Variants in CDC25B observed in about 807,000 individuals in gnomAD.
CDC25B encodes the protein cell division cycle 25B.
Under a neutral mutation model 69.8 loss-of-function variants are expected in CDC25B, and 33 were observed. The observed-to-expected ratio is 0.47, with a 90% CI of 0.36 to 0.63. The LOEUF is 0.63. Ranked by LOEUF, CDC25B falls within the 30% of genes least tolerant of loss-of-function variation. The probability of loss-of-function intolerance (pLI) is 0.00; values close to 1 mark genes in which losing one functional copy is unlikely to be tolerated. For missense variants in CDC25B, 727 were observed against 809.1 expected (o/e 0.90, Z 1.23); for synonymous variants, 341 against 314.6 (o/e 1.08, Z -0.89).
At chr20:3,798,655 C>G (rs2089154992) in intron 3 of CDC25B, among the ~76,000 whole-genome samples, 192 bp downstream of exon 3, 1 of 152,186 alleles carries the variant, frequency 6.6e-6, no homozygotes, top group Non-Finnish European at 1.5e-5. Flanking sequence ...AGAGAAGGAT[C>G]TGCTCTCATG....
chr20:3,787,197 T>G, intron 1 of CDC25B: 1 of 637,166 alleles, frequency 1.6e-6, no homozygotes, highest in Non-Finnish European at 2.8e-6. Flanking sequence ...CGTTTTCTTT[T>G]TAAAAATTTA....
At chr20:3,792,197 AG>A, upstream of CDC25B, among the ~76,000 whole-genome samples, 1 of 152,342 alleles carries the variant, frequency 6.6e-6, no homozygotes, top group East Asian at 1.9e-4. Flanking sequence ...TACAGGTGTG[AG>A]CCAGCATGCC....
chr20:3,798,300 T>G (rs1353270607), intron 2 of CDC25B, 112 bp from the exon 3 acceptor site: 6 of 687,994 alleles, frequency 8.7e-6, no homozygotes, highest in Non-Finnish European at 1.4e-5. Context: ...TGTGTCAAAG[T>G]CCAAACTAGA....
intron 14 of CDC25B, among the ~76,000 whole-genome samples, chr20:3,804,152 G>C (rs2089390534): frequency 6.6e-6 from 1 of 152,150 alleles, no homozygotes; most frequent in Non-Finnish European, 1.5e-5. Flanking sequence ...CTCCACCTGG[G>C]CACCGGGCCT....
chr20:3,800,404 G>A, intron 4 of CDC25B, 58 bp from the exon 5 acceptor site: 5 of 1,612,666 alleles, frequency 3.1e-6, no homozygotes, highest in Non-Finnish European at 4.2e-6. Flanking sequence ...CATGCTGCAT[G>A]CTCTTGGTCC....
In CDC25B at chr20:3,804,695, G is replaced by T; in HGVS notation, c.1602+15G>T. 1 of 1,529,542 alleles carries T rather than the reference G, an allele frequency of 6.5e-7. No homozygotes were observed. The highest frequency in any genetic ancestry group is 8.9e-7 in the Non-Finnish European group (1 of 1,125,132). The allele number at this position is 1,529,542 out of a possible 1,614,324, so 94.7% of individuals were successfully genotyped here. ...CTCAGCACCCGGTAGCGTGGGTGGG[G>T]AAGGCCACAGTCTCTGTGTGAGGGT... is the stretch of plus-strand genomic sequence containing the variant. On this transcript the variant is annotated intron_variant, in intron 15 of 15. Transcript: ENST00000245960.
At position 3,797,642 on chromosome 20, in the gene CDC25B, T is replaced by C. The variant is rs1429692455; in HGVS notation, c.221T>C (p.Val74Ala). 3.7e-6 allele frequency: 6 copies of C among 1,614,014 alleles called. No individual in the cohort carries two copies. The highest frequency in any genetic ancestry group is 1.7e-5 in the Admixed American group (1 of 60,002). Reference sequence around the variant, plus strand: ...CCCAGCGAAACCCCAAAGAGTCAGGTAGGGACCCTGCTCTTCCGCAGCCGC... The same window carrying C: ...CCCAGCGAAACCCCAAAGAGTCAGGCAGGGACCCTGCTCTTCCGCAGCCGC... ...GLGSETPKSQVGTLLFRSRSR... is the reference protein window; with the variant it reads ...GLGSETPKSQAGTLLFRSRSR... The change falls in exon 2 of 16, where the codon GTA (valine) becomes GCA (alanine). Residue 74 changes from valine to alanine, a missense_variant. By Grantham distance (64) the Val-to-Ala change is moderately conservative (BLOSUM62 0). This residue lies in a region of CDC25B where 368 missense variants were observed against 345.6 expected (regional missense o/e 1.06). Transcript: ENST00000245960.
chr20:3,797,800 G>A, intron 2 of CDC25B, 51 bp downstream of exon 2: 1 of 1,604,992 alleles, frequency 6.2e-7, no homozygotes, highest in Admixed American at 1.7e-5. Context: ...GAGAGTTTGT[G>A]GGGGCTGCCT....
chr20:3,795,282 A>G (rs2088996990), upstream of CDC25B, among the ~76,000 whole-genome samples: 1 of 151,786 alleles, frequency 6.6e-6, no homozygotes, highest in Admixed American at 6.6e-5. Flanking sequence ...AATCGCTGGA[A>G]CCCGGGTGGC....
rs766222083 is a variant in CDC25B at position 3,800,514 on chromosome 20, G to A, written c.459+16G>A. On this transcript the variant is annotated intron_variant, in intron 5 of 15. Coordinates refer to ENST00000245960, the MANE Select transcript of CDC25B (RefSeq NM_021873.4). The stretch of plus-strand genomic sequence containing the variant: ...GTCTATGCCGGTGAGTGTCTTCGAG[G>A]CCTGACTGAGGCTTAGGCATGCTAG... 8.7e-6 allele frequency: 14 copies of A among 1,613,850 alleles called. No individual in the cohort carries two copies. The East Asian group carries it at 2.7e-4, about 31-fold the overall frequency.
In CDC25B at chr20:3,804,549, C is replaced by A. The variant is rs751755125; in HGVS notation, c.1491-20C>A. On this transcript the variant is annotated intron_variant, in intron 14 of 15. Coordinates refer to ENST00000245960, the MANE Select transcript of CDC25B (RefSeq NM_021873.4). Reference sequence around the variant, plus strand: ...CACTGCATGCCCCACTCTGACCACACCCTGCCCATGACGCCCCAGGTGCCG... The same window carrying A: ...CACTGCATGCCCCACTCTGACCACAACCTGCCCATGACGCCCCAGGTGCCG... The A allele has an allele frequency of 7.7e-6, 12 of 1,556,774 alleles. No homozygotes were observed. The highest frequency in any genetic ancestry group is 1.1e-5 in the South Asian group (1 of 89,732).
chr20:3,788,709 C>A (rs916478618), intron 1 of CDC25B, among the ~76,000 whole-genome samples: 5 of 152,122 alleles, frequency 3.3e-5, no homozygotes, highest in African/African-American at 1.2e-4. Flanking sequence ...TGCCATGCAT[C>A]TTTTCTTTCT....
In CDC25B at chr20:3,804,770, C is replaced by A. The variant is rs2089417099; in HGVS notation, c.1603-51C>A. 9 of 1,607,822 alleles carry A rather than the reference C, an allele frequency of 5.6e-6. No homozygotes were observed. In the South Asian group the frequency reaches 8.8e-5, roughly 16 times the overall value. On this transcript the variant is annotated intron_variant, in intron 15 of 15. Transcript: ENST00000245960. ...GGATGGGGGGTGGGAGGGTTGGGTC[C>A]CTGCCAAACTTACCCATTCCACTGC...
chr20:3,804,700 C>G lies in CDC25B; in HGVS notation c.1602+20C>G. The G allele has an allele frequency of 6.2e-7, 1 of 1,602,652 alleles. No homozygotes were observed. Among genetic ancestry groups the G allele is most frequent in the Admixed American group, 1.7e-5 (1 of 59,936 alleles). The stretch of plus-strand genomic sequence containing the variant: ...CACCCGGTAGCGTGGGTGGGGAAGG[C>G]CACAGTCTCTGTGTGAGGGTTGGCT... On this transcript the variant is annotated intron_variant, in intron 15 of 15. Transcript: ENST00000245960.
chr20:3,790,568 T>C (rs956078634), intron 1 of CDC25B, among the ~76,000 whole-genome samples: 1 of 149,628 alleles, frequency 6.7e-6, no homozygotes, highest in African/African-American at 2.4e-5. Flanking sequence ...ACGCCTGTAA[T>C]CCCAGCATTT....
At chr20:3,797,170 CAATT>C (rs1421415186) in intron 1 of CDC25B, among the ~76,000 whole-genome samples, 1 of 152,196 alleles carries the variant, frequency 6.6e-6, no homozygotes, top group Non-Finnish European at 1.5e-5. Context: ...AGAATTAAGA[CAATT>C]AATTAAACAC....
intron 3 of CDC25B, among the ~76,000 whole-genome samples, chr20:3,799,517 TGTGTGTGTGCGC>T (rs963525769): frequency 1.9e-5 from 1 of 53,100 alleles, no homozygotes; most frequent in African/African-American, 7.2e-5. Context: ...TGTGTGTGTG[TGTGTGTGTGCGC>T]GCGCGCGCGT....
chr20:3,801,195 A>G, intron 7 of CDC25B, 59 bp from the exon 8 acceptor site: 1 of 1,603,482 alleles, frequency 6.2e-7, no homozygotes. Context: ...TTTCCTCAGG[A>G]GGATGGGGGC....
At position 3,804,817 on chromosome 20, in the gene CDC25B, C is replaced by T. The variant is rs777487545; in HGVS notation, c.1603-4C>T. 3.1e-6 allele frequency: 5 copies of T among 1,614,126 alleles called. No individual in the cohort carries two copies. Among genetic ancestry groups the T allele is most frequent in the South Asian group, 2.2e-5 (2 of 91,082 alleles). ...CTGCATTGACCCCTCCTGTCCTGCC[C>T]TAGAACTTCTGTGAACCCCAGGACT... is the stretch of plus-strand genomic sequence containing the variant. On this transcript the variant is annotated splice_polypyrimidine_tract_variant and splice_region_variant and intron_variant, in intron 15 of 15. Coordinates refer to ENST00000245960, the MANE Select transcript of CDC25B (RefSeq NM_021873.4).
Sources: gnomAD v4.1 joint callset for allele counts (sites outside exome capture counted in the v4.1 genomes callset) on GRCh38, gnomAD v4.1.1 for gene constraint, gnomAD v4.1.1 regional missense constraint, MANE v1.5 for transcripts, NCBI Gene and HGNC (gene_info 2026-07-23, HGNC 2026-07-21) for gene names.